KBTBD12: variants seen among roughly 807,000 people sequenced by gnomAD.
The protein encoded by KBTBD12 is kelch repeat and BTB domain-containing protein 12.
Under a neutral mutation model 58.7 loss-of-function variants are expected in KBTBD12, and 53 were observed. The ratio of observed to expected loss-of-function variants is 0.90; its 90% confidence interval spans 0.72 to 1.14. KBTBD12 has a LOEUF of 1.14. Ranked by LOEUF, KBTBD12 falls within the 50% of genes most tolerant of loss-of-function variation. KBTBD12 has a pLI of 0.00. For synonymous variants in KBTBD12, 236 were observed against 259.8 expected (o/e 0.91, Z 0.88); for missense variants, 704 against 751.3 (o/e 0.94, Z 0.74).
chr3:127,982,227 A>T (rs114020749), intron 5 of KBTBD12, among the ~76,000 whole-genome samples: 1 of 152,200 alleles, frequency 6.6e-6, no homozygotes, highest in Admixed American at 6.5e-5. Context: ...TTTTCTGTAT[A>T]TTGTGATGTT....
chr3:127,961,437 T>A (rs997008859), intron 4 of KBTBD12, among the ~76,000 whole-genome samples: 9 of 152,176 alleles, frequency 5.9e-5, no homozygotes, highest in Non-Finnish European at 1.5e-5. Flanking sequence ...CCTGAGTTAG[T>A]TTATAGCCTC....
At position 127,986,132 on chromosome 3, in the gene KBTBD12, A is replaced by G. The variant is rs76410858; in HGVS notation, c.*1854A>G. On this transcript the variant is annotated 3_prime_UTR_variant, in exon 6 of 6. Transcript: ENST00000405109. ...CCTGGCTCAAGGAGGCCTTGTTGGC[A>G]TGTCATGGCACATCTCCTAGATGTT... is the stretch of plus-strand genomic sequence containing the variant. 1 of 152,552 alleles carries G rather than the reference A, an allele frequency of 6.6e-6. No homozygotes were observed. The highest frequency in any genetic ancestry group is 2.4e-5 in the African/African-American group (1 of 41,396). The allele number at this position is 152,552 out of a possible 1,614,324, so 9.4% of individuals were successfully genotyped here.
At chr3:127,974,072 A>T (rs547607555) in intron 5 of KBTBD12, among the ~76,000 whole-genome samples, 6 of 152,324 alleles carry the variant, frequency 3.9e-5, no homozygotes, top group East Asian at 3.9e-4. Flanking sequence ...CATATATATA[A>T]AAAACATTTC....
intron 4 of KBTBD12, among the ~76,000 whole-genome samples, chr3:127,948,304 G>A (rs1367077570): frequency 6.6e-6 from 1 of 151,432 alleles, no homozygotes; most frequent in Non-Finnish European, 1.5e-5. Flanking sequence ...CAGAGGCCTT[G>A]GGGAGTCCCT....
At position 127,963,360 on chromosome 3, in the gene KBTBD12, A is replaced by T. The variant is rs753520274; in HGVS notation, c.1664A>T (p.Tyr555Phe). The T allele has an allele frequency of 6.2e-7, 1 of 1,611,604 alleles. No homozygotes were observed. The highest frequency in any genetic ancestry group is 2.2e-5 in the East Asian group (1 of 44,786). The change falls in exon 5 of 6, where the codon TAT becomes TTT. Residue 555 changes from tyrosine (Y) to phenylalanine (F), a missense_variant. Transcript: ENST00000405109. ...TNAGAVDGKL[Y>F]VCGGFHGADR... The stretch of plus-strand genomic sequence containing the variant: ...GCAGGGGCAGTGGATGGGAAACTCT[A>T]TGTCTGCGGGGGATTCCATGGAGCA...
intron 5 of KBTBD12, among the ~76,000 whole-genome samples, chr3:127,975,964 A>G (rs1243836816): frequency 6.6e-6 from 1 of 152,238 alleles, no homozygotes; most frequent in East Asian, 1.9e-4. Context: ...AAAAGTTACA[A>G]AAAAGAAAAT....
chr3:127,973,389 C>T (rs1242906522), intron 5 of KBTBD12, among the ~76,000 whole-genome samples: 1 of 152,110 alleles, frequency 6.6e-6, no homozygotes, highest in Non-Finnish European at 1.5e-5. Flanking sequence ...GACATAATAA[C>T]AAAGTATAAT....
chr3:127,984,242 G>A lies in KBTBD12; in HGVS notation c.1836G>A (p.Pro612=), dbSNP rs13100951. 0.25 allele frequency: 397,108 copies of A among 1,613,098 alleles called. 50,062 individuals are homozygous for A. The highest frequency in any genetic ancestry group is 0.34 in the Admixed American group (20,115 of 59,944). ...TGAATCCCCGAGACCTCATCCCCCCGCCTTCAGATTTGGTGGAAGAAGGCA... is the reference window on the plus strand; with the variant it reads ...TGAATCCCCGAGACCTCATCCCCCCACCTTCAGATTTGGTGGAAGAAGGCA... The part of the protein sequence containing the change: ...ARMNPRDLIP[P]PSDLVEEGNE... The change falls in exon 6 of 6, where the codon CCG becomes CCA. Residue 612 remains proline, a synonymous_variant. Coordinates refer to ENST00000405109, the MANE Select transcript of KBTBD12 (RefSeq NM_207335.4).
At chr3:127,940,167 T>G (rs1939920431) in intron 4 of KBTBD12, among the ~76,000 whole-genome samples, 1 of 152,018 alleles carries the variant, frequency 6.6e-6, no homozygotes, top group Non-Finnish European at 1.5e-5. Context: ...AATTGAAGAT[T>G]TAACACTCCT....
intron 4 of KBTBD12, among the ~76,000 whole-genome samples, chr3:127,950,395 G>C (rs898537963): frequency 2.0e-4 from 30 of 152,202 alleles, no homozygotes; most frequent in African/African-American, 7.2e-4. Context: ...AGCAAAGTTT[G>C]GCCTCTCAGA....
intron 1 of KBTBD12, among the ~76,000 whole-genome samples, chr3:127,920,007 T>A (rs916273837): frequency 2.6e-5 from 4 of 152,208 alleles, no homozygotes; most frequent in African/African-American, 7.2e-5. Flanking sequence ...TGAAACTCCT[T>A]GTCATCCTTC....
intron 5 of KBTBD12, among the ~76,000 whole-genome samples, chr3:127,965,450 T>C (rs1243690298): frequency 6.6e-6 from 1 of 152,242 alleles, no homozygotes; most frequent in Non-Finnish European, 1.5e-5. Context: ...AAAACAATTG[T>C]ATAATAACAT....
intron 4 of KBTBD12, among the ~76,000 whole-genome samples, chr3:127,961,269 C>G (rs557047556): frequency 3.3e-5 from 5 of 152,306 alleles, no homozygotes; most frequent in African/African-American, 1.2e-4. Flanking sequence ...CTCTCGCTAC[C>G]ACAGTGCCAC....
At chr3:127,979,847 C>A (rs1359024173) in intron 5 of KBTBD12, among the ~76,000 whole-genome samples, 1 of 152,090 alleles carries the variant, frequency 6.6e-6, no homozygotes, top group Non-Finnish European at 1.5e-5. Flanking sequence ...TAAATTAGGG[C>A]AAAGGAAAAT....
chr3:127,960,535 A>G (rs764638199), intron 4 of KBTBD12, among the ~76,000 whole-genome samples: 5 of 152,162 alleles, frequency 3.3e-5, no homozygotes, highest in Non-Finnish European at 7.3e-5. Context: ...TACTGATCCT[A>G]CCCCAAGACA....
rs949934823 is a variant in KBTBD12, at chr3:127,923,236, A to G, written c.175A>G (p.Met59Val). Reference sequence around the variant, plus strand: ...TGCATTTAGCCCTTATTTCAAAGCTATGTTCACCTGTGGACTACTTGAATG... The same window carrying G: ...TGCATTTAGCCCTTATTTCAAAGCTGTGTTCACCTGTGGACTACTTGAATG... ...LAAFSPYFKA[M>V]FTCGLLECNQ... The change falls in exon 2 of 6, where the codon ATG (methionine) becomes GTG (valine). Residue 59 changes from methionine to valine, a missense_variant. Physicochemically the swap from Met to Val is conservative, Grantham distance 21. Transcript: ENST00000405109. 8.1e-6 allele frequency: 13 copies of G among 1,613,758 alleles called. No individual in the cohort carries two copies. Among genetic ancestry groups the G allele is most frequent in the East Asian group, 2.2e-5 (1 of 44,886 alleles).
At position 127,986,383 on chromosome 3, in the gene KBTBD12, C is replaced by A. The variant is rs2107620592; in HGVS notation, c.*2105C>A. 6.6e-6 allele frequency: 1 copy of A among 152,634 alleles called. No homozygotes were observed. The highest frequency in any genetic ancestry group is 2.1e-4 in the South Asian group (1 of 4,810). The allele number at this position is 152,634 out of a possible 1,614,324, so 9.5% of individuals were successfully genotyped here. On this transcript the variant is annotated 3_prime_UTR_variant, in exon 6 of 6. Transcript: ENST00000405109. ...TAGCTGCCATTATTATCATCACTGT[C>A]ATTATCATTGCAGTCAGCACTTCCC...
intron 5 of KBTBD12, among the ~76,000 whole-genome samples, chr3:127,977,187 A>G (rs1407016902): frequency 6.6e-6 from 1 of 152,190 alleles, no homozygotes; most frequent in Non-Finnish European, 1.5e-5. Context: ...TTTTTATGGC[A>G]GCATAGTATT....
chr3:127,931,041 G>C (rs1187236744), intron 4 of KBTBD12, among the ~76,000 whole-genome samples: 3 of 152,118 alleles, frequency 2.0e-5, no homozygotes, highest in Non-Finnish European at 4.4e-5. Flanking sequence ...AGGTTGACTG[G>C]ACTGATGAAA....
Sources: allele counts gnomAD v4.1 joint callset (sites outside exome capture counted in the v4.1 genomes callset), GRCh38; gene constraint gnomAD v4.1.1; transcripts MANE v1.5; gene names NCBI Gene and HGNC (gene_info 2026-07-23, HGNC 2026-07-21).